The following RALGPS1 variants were observed in gnomAD, a reference collection of about 807,000 sequenced individuals.
RALGPS1 encodes the protein Ral GEF with PH domain and SH3 binding motif 1.
Under a neutral mutation model 78.8 loss-of-function variants are expected in RALGPS1, and 19 were observed. That is an observed-to-expected ratio of 0.24 (90% CI 0.17 to 0.35). The LOEUF (loss-of-function observed/expected upper bound fraction) is 0.35. Among genes scored for constraint, RALGPS1 ranks in the 10% least tolerant of loss-of-function variants. The probability of loss-of-function intolerance (pLI) is 1.00; values close to 1 mark genes in which losing one functional copy is unlikely to be tolerated. For synonymous variants in RALGPS1, 228 were observed against 256.3 expected, an observed-to-expected ratio of 0.89 and a Z score of 1.06; for missense variants, 454 against 688.3, an observed-to-expected ratio of 0.66 and a Z score of 3.81.
intron 14 of RALGPS1, among the ~76,000 whole-genome samples, chr9:127,200,073 G>GGTGT (rs1265852023): frequency 6.6e-6 from 1 of 151,922 alleles, no homozygotes; most frequent in Non-Finnish European, 1.5e-5. Flanking sequence ...GTCACACGTG[G>GGTGT]GTGTATACAC....
chr9:126,948,645 C>T (rs1038162739), intron 1 of RALGPS1, among the ~76,000 whole-genome samples: 1 of 152,160 alleles, frequency 6.6e-6, no homozygotes, highest in Non-Finnish European at 1.5e-5. Context: ...TCTGCCTCCT[C>T]AGCTTCAGCA....
intron 4 of RALGPS1, chr9:126,990,054 G>C (rs146889995): frequency 1.3e-6 from 2 of 1,538,852 alleles, no homozygotes; most frequent in Admixed American, 4.0e-5. Context: ...AGAAGCGGGC[G>C]TTCCAGAAAG....
At chr9:127,099,720 G>A (rs559085801) in intron 8 of RALGPS1, among the ~76,000 whole-genome samples, 11 of 152,318 alleles carry the variant, frequency 7.2e-5, no homozygotes, top group South Asian at 2.1e-4. Context: ...GCTTTTCAGC[G>A]AACCAGAGTA....
At chr9:127,198,869 A>T (rs2061473125) in intron 13 of RALGPS1, 146 bp from the exon 14 acceptor site, 2 of 740,550 alleles carry the variant, frequency 2.7e-6, no homozygotes, top group Non-Finnish European at 2.4e-6. Flanking sequence ...TCACAGCAAA[A>T]ACTCGAGTAC....
chr9:127,188,131 G>C (rs1277912559), intron 11 of RALGPS1, among the ~76,000 whole-genome samples: 7 of 145,346 alleles, frequency 4.8e-5, no homozygotes, highest in Non-Finnish European at 1.0e-4. Context: ...GCGCGATCTA[G>C]GCTCACTGCA....
chr9:127,171,869 G>A (rs910555873), intron 10 of RALGPS1, among the ~76,000 whole-genome samples: 16 of 152,194 alleles, frequency 1.1e-4, no homozygotes, highest in African/African-American at 3.9e-4. Flanking sequence ...CTCTGGTTAT[G>A]AAAGATGAGA....
At chr9:127,159,654 T>G (rs567938484) in intron 8 of RALGPS1, among the ~76,000 whole-genome samples, 17 of 152,298 alleles carry the variant, frequency 1.1e-4, no homozygotes, top group Admixed American at 8.5e-4. Context: ...CTCACAGTCT[T>G]CCCCATCTTC....
chr9:127,159,987 GT>G (rs992528497), intron 8 of RALGPS1, among the ~76,000 whole-genome samples: 2 of 151,510 alleles, frequency 1.3e-5, no homozygotes, highest in Non-Finnish European at 2.9e-5. Context: ...GCTGTAGAGG[GT>G]TTTTTTTTCC....
At chr9:127,037,642 G>A (rs1401973302) in intron 5 of RALGPS1, among the ~76,000 whole-genome samples, 1 of 152,184 alleles carries the variant, frequency 6.6e-6, no homozygotes, top group Non-Finnish European at 1.5e-5. Context: ...CTCTGAGCTG[G>A]TTCTACCTCA....
At chr9:127,149,567 T>C (rs1337233265) in intron 8 of RALGPS1, among the ~76,000 whole-genome samples, 1 of 152,334 alleles carries the variant, frequency 6.6e-6, no homozygotes, top group African/African-American at 2.4e-5. Flanking sequence ...ATCTGCCCCC[T>C]CTGAGGGCAA....
chr9:127,189,659 G>A (rs972750143), intron 11 of RALGPS1, among the ~76,000 whole-genome samples: 2 of 152,174 alleles, frequency 1.3e-5, no homozygotes, highest in Admixed American at 1.3e-4. Context: ...TCAGAATGGG[G>A]CTATTTACAA....
intron 4 of RALGPS1, among the ~76,000 whole-genome samples, chr9:127,003,051 A>G (rs2043490768): frequency 6.6e-6 from 1 of 152,200 alleles, no homozygotes; most frequent in African/African-American, 2.4e-5. Flanking sequence ...GAACTAGTTT[A>G]CAGTCCCACC....
chr9:127,089,848 CA>C (rs2052247304), intron 8 of RALGPS1, among the ~76,000 whole-genome samples: 3 of 152,176 alleles, frequency 2.0e-5, no homozygotes, highest in Non-Finnish European at 4.4e-5. Flanking sequence ...GGCAGGAGGA[CA>C]GGGGGCCACT....
intron 7 of RALGPS1, among the ~76,000 whole-genome samples, chr9:127,064,069 G>T (rs1328599650): frequency 6.6e-6 from 1 of 152,184 alleles, no homozygotes; most frequent in Non-Finnish European, 1.5e-5. Flanking sequence ...TATCATACAG[G>T]CAAGCACAAT....
chr9:127,110,785 G>A (rs948285993), intron 8 of RALGPS1, among the ~76,000 whole-genome samples: 4 of 152,108 alleles, frequency 2.6e-5, no homozygotes, highest in African/African-American at 4.8e-5. Context: ...GCCAAATTAC[G>A]ATGCCAGAAA....
intron 11 of RALGPS1, among the ~76,000 whole-genome samples, chr9:127,182,300 G>C (rs1455634344): frequency 1.3e-5 from 2 of 150,832 alleles, no homozygotes; most frequent in Non-Finnish European, 2.9e-5. Flanking sequence ...AGCCAGTTAA[G>C]CCTACCTACC....
intron 8 of RALGPS1, among the ~76,000 whole-genome samples, chr9:127,145,477 G>C (rs1277354381): frequency 6.6e-6 from 1 of 152,060 alleles, no homozygotes; most frequent in East Asian, 1.9e-4. Flanking sequence ...TCAAAAAATG[G>C]GGCAGTTACT....
chr9:126,928,898 G>A (rs902988745), intron 1 of RALGPS1, among the ~76,000 whole-genome samples: 1 of 152,024 alleles, frequency 6.6e-6, no homozygotes, highest in African/African-American at 2.4e-5. Flanking sequence ...CACCACGCCC[G>A]GCCAAGGATA....
chr9:126,966,983 C>A (rs1297636555), intron 3 of RALGPS1, among the ~76,000 whole-genome samples: 1 of 152,124 alleles, frequency 6.6e-6, no homozygotes, highest in African/African-American at 2.4e-5. Flanking sequence ...CGTTGAACTT[C>A]TCTCCAGAAC....
Sources: gnomAD v4.1 joint callset for allele counts (sites outside exome capture counted in the v4.1 genomes callset) on GRCh38, gnomAD v4.1.1 for gene constraint, MANE v1.5 for transcripts, NCBI Gene and HGNC (gene_info 2026-07-23, HGNC 2026-07-21) for gene names.